Variants in TENM3 observed in about 807,000 individuals in gnomAD.
The protein encoded by TENM3 is teneurin-3.
Under a neutral mutation model 255.1 loss-of-function variants are expected in TENM3, and 63 were observed. The ratio of observed to expected loss-of-function variants is 0.25; its 90% CI spans 0.20 to 0.30. The LOEUF is 0.30. TENM3 is among the 10% of genes least tolerant of loss of function. TENM3 has a pLI of 1.00. For synonymous variants in TENM3, 1,306 were observed against 1,322.3 expected, an observed-to-expected ratio of 0.99 and a Z score of 0.27; for missense variants, 2,929 against 3,461.1, an observed-to-expected ratio of 0.85 and a Z score of 3.86.
At chr4:181,750,225 G>T in the TENM3 span, among the ~76,000 whole-genome samples, 11 of 152,266 alleles carry the variant, frequency 7.2e-5, no homozygotes, top group Non-Finnish European at 1.5e-4. Context: ...TTCATGGTTG[G>T]GGGGTAGAAG....
the TENM3 span, among the ~76,000 whole-genome samples, chr4:182,098,134 T>C: frequency 6.6e-6 from 1 of 152,176 alleles, no homozygotes; most frequent in Non-Finnish European, 1.5e-5. Flanking sequence ...CACAGTGAGA[T>C]ATTATCCCAT....
At chr4:182,435,591 A>G (rs1771984162) in intron 3 of TENM3, among the ~76,000 whole-genome samples, 1 of 152,216 alleles carries the variant, frequency 6.6e-6, no homozygotes, top group Admixed American at 6.5e-5. Flanking sequence ...GTGAACAGGC[A>G]ACTGCTTGCC....
the TENM3 span, among the ~76,000 whole-genome samples, chr4:181,567,892 T>G: frequency 3.9e-5 from 6 of 152,114 alleles, no homozygotes; most frequent in Non-Finnish European, 8.8e-5. Context: ...ACTATGAAGT[T>G]GTGGAGCTCA....
the TENM3 span, among the ~76,000 whole-genome samples, chr4:182,080,212 G>A: frequency 1.4e-4 from 21 of 152,140 alleles, no homozygotes; most frequent in African/African-American, 5.1e-4. Context: ...TTCCACCTGA[G>A]GCCAGATGTG....
intron 1 of TENM3, chr4:182,145,238 G>T (rs1304254919): frequency 6.6e-6 from 1 of 152,270 alleles, no homozygotes; most frequent in Non-Finnish European, 1.5e-5. Flanking sequence ...GGGACAGAAG[G>T]CTTCTGCAGC....
the TENM3 span, among the ~76,000 whole-genome samples, chr4:181,832,110 G>A: frequency 6.6e-6 from 1 of 151,752 alleles, no homozygotes; most frequent in East Asian, 1.9e-4. Flanking sequence ...AATTATATGG[G>A]AGGAAATTAC....
chr4:182,526,795 A>T (rs1394373695), intron 3 of TENM3, among the ~76,000 whole-genome samples: 1 of 152,212 alleles, frequency 6.6e-6, no homozygotes, highest in African/African-American at 2.4e-5. Context: ...TTTATTCATT[A>T]ACATAGACAG....
chr4:181,980,182 G>A, the TENM3 span: 1 of 152,222 alleles, frequency 6.6e-6, no homozygotes, highest in African/African-American at 2.4e-5. Context: ...GTTCCCTAAT[G>A]TCAGAGGCAA....
At chr4:182,279,749 C>G (rs1760251223) in intron 1 of TENM3, among the ~76,000 whole-genome samples, 2 of 152,098 alleles carry the variant, frequency 1.3e-5, no homozygotes, top group African/African-American at 4.8e-5. Flanking sequence ...GCAGAATAGT[C>G]ATTTTCTCCA....
intron 1 of TENM3, among the ~76,000 whole-genome samples, chr4:182,231,364 A>T (rs1756566923): frequency 6.6e-6 from 1 of 150,944 alleles, no homozygotes; most frequent in African/African-American, 2.5e-5. Flanking sequence ...CCAGGAGAAC[A>T]AAAAAAAGGA....
chr4:181,865,777 A>G, the TENM3 span, among the ~76,000 whole-genome samples: 2 of 152,168 alleles, frequency 1.3e-5, no homozygotes, highest in Non-Finnish European at 2.9e-5. Flanking sequence ...AAATCCGGTC[A>G]GTGTACTCTT....
the TENM3 span, among the ~76,000 whole-genome samples, chr4:181,671,623 T>C: frequency 6.6e-6 from 1 of 152,232 alleles, no homozygotes; most frequent in Non-Finnish European, 1.5e-5. Flanking sequence ...GTACATTATT[T>C]CATTTCCTGC....
chr4:181,578,357 G>A, the TENM3 span, among the ~76,000 whole-genome samples: 3 of 152,122 alleles, frequency 2.0e-5, no homozygotes, highest in African/African-American at 7.2e-5. Flanking sequence ...CTTTCTCCCT[G>A]CTCCCTGAGA....
At chr4:181,865,425 A>G in the TENM3 span, among the ~76,000 whole-genome samples, 4 of 152,144 alleles carry the variant, frequency 2.6e-5, no homozygotes, top group Admixed American at 6.5e-5. Context: ...GGGACAGAAG[A>G]CACAAAATGC....
chr4:181,760,092 A>G, the TENM3 span, among the ~76,000 whole-genome samples: 1 of 152,174 alleles, frequency 6.6e-6, no homozygotes, highest in Non-Finnish European at 1.5e-5. Flanking sequence ...GAATTTGATG[A>G]AACAAACTTT....
At chr4:182,752,363 CT>C (rs1762435712) in intron 20 of TENM3, among the ~76,000 whole-genome samples, 1 of 152,126 alleles carries the variant, frequency 6.6e-6, no homozygotes, top group Admixed American at 6.5e-5. Context: ...TATCCAAATT[CT>C]TTCATAGTCC....
At chr4:181,898,769 G>A in the TENM3 span, among the ~76,000 whole-genome samples, 12 of 152,078 alleles carry the variant, frequency 7.9e-5, no homozygotes, top group Middle Eastern at 3.4e-3. Flanking sequence ...GATTCCAAGG[G>A]CCCAAACTTT....
chr4:181,582,219 A>G, the TENM3 span, among the ~76,000 whole-genome samples: 1,730 of 152,246 alleles, frequency 0.011, 28 homozygotes, highest in African/African-American at 0.039. Context: ...TTTGCTTTGC[A>G]TAGGGCACGG....
rs536175087 is a variant in TENM3 at position 182,441,232 on chromosome 4, T to G, written c.511+94303T>G. Among the ~76,000 whole-genome samples, 4 of 152,310 alleles carry G rather than the reference T, an allele frequency of 2.6e-5. No individual in the cohort carries two copies. In the South Asian group the frequency reaches 8.3e-4, roughly 32 times the overall value. On this transcript the variant is annotated intron_variant, in intron 3 of 27. Coordinates refer to ENST00000511685, the MANE Select transcript of TENM3 (RefSeq NM_001080477.4). ...GTATGTATAGATTTTTCTAAAATAA[T>G]GACCTTGAACTATCAATGGTGCTAG...
Sources: allele counts gnomAD v4.1 joint callset (sites outside exome capture counted in the v4.1 genomes callset), GRCh38; gene constraint gnomAD v4.1.1; transcripts MANE v1.5; gene names NCBI Gene and HGNC (gene_info 2026-07-23, HGNC 2026-07-21).